SYN3: variants seen among roughly 807,000 people sequenced by gnomAD.
The protein encoded by SYN3 is synapsin III, also known as synapsin-3.
Under a neutral mutation model 65.8 loss-of-function variants are expected in SYN3, and 35 were observed. That is an observed-to-expected ratio of 0.53 (90% CI 0.41 to 0.70). The LOEUF is 0.70. Among genes scored for constraint, SYN3 ranks in the 30% least tolerant of loss-of-function variants. The pLI is 0.00. For synonymous variants in SYN3, 270 were observed against 292.9 expected (o/e 0.92, Z 0.80); for missense variants, 680 against 749.0 (o/e 0.91, Z 1.08).
intron 6 of SYN3, among the ~76,000 whole-genome samples, chr22:32,780,811 A>C (rs911126610): frequency 6.6e-6 from 1 of 152,170 alleles, no homozygotes; most frequent in Admixed American, 6.5e-5. Context: ...TATAAGGATT[A>C]AATGATTTCA....
rs568827440 is a variant in SYN3 at position 32,740,079 on chromosome 22, G to T, written c.711+124836C>A. ...ATAAGGAAATGCTGGCAGCATTAGGGATGTTAACCTGGTGAAGAGAAGATT... is the reference window on the plus strand; with the variant it reads ...ATAAGGAAATGCTGGCAGCATTAGGTATGTTAACCTGGTGAAGAGAAGATT... On this transcript the variant is annotated intron_variant, in intron 6 of 13. Transcript: ENST00000358763. Among the ~76,000 whole-genome samples, 4 of 152,366 alleles carry T rather than the reference G, an allele frequency of 2.6e-5. No homozygotes were observed. The East Asian group carries it at 5.8e-4, about 22-fold the overall frequency.
At chr22:32,725,827 G>A (rs544289783) in intron 6 of SYN3, among the ~76,000 whole-genome samples, 15 of 152,334 alleles carry the variant, frequency 9.8e-5, no homozygotes, top group Middle Eastern at 3.4e-3. Context: ...TGTTATAGCA[G>A]CCTCAGGAAG....
At chr22:32,898,921 T>C (rs2049677426) in intron 4 of SYN3, among the ~76,000 whole-genome samples, 1 of 152,094 alleles carries the variant, frequency 6.6e-6, no homozygotes, top group South Asian at 2.1e-4. Flanking sequence ...GCCAACATGG[T>C]GAAACCCCAT....
intron 6 of SYN3, among the ~76,000 whole-genome samples, chr22:32,657,491 A>G (rs1179835885): frequency 6.6e-6 from 1 of 152,192 alleles, no homozygotes; most frequent in African/African-American, 2.4e-5. Context: ...TGAGAGAGAC[A>G]CAGAAGTTAG....
chr22:32,719,630 G>C (rs2061087712), intron 6 of SYN3, among the ~76,000 whole-genome samples: 1 of 152,108 alleles, frequency 6.6e-6, no homozygotes, highest in African/African-American at 2.4e-5. Flanking sequence ...ATCACTTGAG[G>C]CCAAGAGTTC....
At chr22:32,795,047 A>G (rs1172002658) in intron 6 of SYN3, among the ~76,000 whole-genome samples, 9 of 152,168 alleles carry the variant, frequency 5.9e-5, no homozygotes, top group African/African-American at 1.7e-4. Flanking sequence ...ATTGTATTCT[A>G]TGTGAAGAGG....
chr22:33,024,480 G>C (rs1321024127), intron 1 of SYN3, among the ~76,000 whole-genome samples: 1 of 89,128 alleles, frequency 1.1e-5, no homozygotes, highest in Admixed American at 9.9e-5. Flanking sequence ...TCCAAAATGG[G>C]ACACTTGTCC....
intron 6 of SYN3, among the ~76,000 whole-genome samples, chr22:32,715,592 A>G (rs1162686697): frequency 6.6e-6 from 1 of 152,116 alleles, no homozygotes; most frequent in Non-Finnish European, 1.5e-5. Context: ...TAGCCTGGCC[A>G]AGATGGTGAA....
intron 9 of SYN3, among the ~76,000 whole-genome samples, chr22:32,537,034 T>C (rs1052741721): frequency 6.6e-6 from 1 of 152,156 alleles, no homozygotes; most frequent in African/African-American, 2.4e-5. Context: ...ACAGAGCTTT[T>C]TGAGTTCACA....
At chr22:32,998,556 A>G (rs2052954679) in intron 2 of SYN3, among the ~76,000 whole-genome samples, 1 of 152,112 alleles carries the variant, frequency 6.6e-6, no homozygotes, top group Non-Finnish European at 1.5e-5. Flanking sequence ...TCCAGAGGCC[A>G]CCCAGGGAGG....
At chr22:32,952,321 C>T (rs1025556062) in intron 3 of SYN3, among the ~76,000 whole-genome samples, 3 of 149,268 alleles carry the variant, frequency 2.0e-5, no homozygotes, top group Non-Finnish European at 3.0e-5. Flanking sequence ...TGTGGACAGG[C>T]AGGGTGGGGA....
At chr22:32,619,230 T>A (rs2059562356) in intron 6 of SYN3, among the ~76,000 whole-genome samples, 1 of 152,228 alleles carries the variant, frequency 6.6e-6, no homozygotes, top group African/African-American at 2.4e-5. Flanking sequence ...CCTAACCATA[T>A]GATCGTGGCT....
At chr22:32,875,081 C>T (rs919473657) in intron 4 of SYN3, among the ~76,000 whole-genome samples, 3 of 152,208 alleles carry the variant, frequency 2.0e-5, no homozygotes, top group African/African-American at 4.8e-5. Flanking sequence ...ATTAGTGATG[C>T]TTCCCGCCAG....
chr22:32,543,696 G>A (rs138693872), intron 7 of SYN3, among the ~76,000 whole-genome samples: 35 of 152,202 alleles, frequency 2.3e-4, no homozygotes, highest in African/African-American at 4.6e-4. Flanking sequence ...CCAGTCTGTC[G>A]TGCGGGTAGA....
chr22:32,952,266 C>T (rs9609665), intron 3 of SYN3, among the ~76,000 whole-genome samples: 18 of 149,774 alleles, frequency 1.2e-4, no homozygotes, highest in Admixed American at 2.7e-4. Flanking sequence ...TGTGTGTGTG[C>T]GCACACGCAT....
Position 32,510,563 on chromosome 22 carries a change from AC to A in SYN3, c.*3128del, listed in dbSNP as rs2057679346. Among the ~76,000 whole-genome samples, 1 of 152,104 alleles carries A rather than the reference AC, an allele frequency of 6.6e-6. No homozygotes were observed. Among genetic ancestry groups the A allele is most frequent in the Non-Finnish European group, 1.5e-5 (1 of 68,014 alleles). Reference sequence around the variant, plus strand: ...CACCCTGCCCTACAAGTTTTCTCTTACCCGTTTATTCAGGATGTCACACAGC... The same window carrying A: ...CACCCTGCCCTACAAGTTTTCTCTTACCGTTTATTCAGGATGTCACACAGC... On this transcript the variant is annotated 3_prime_UTR_variant, in exon 14 of 14. Coordinates refer to ENST00000358763, the MANE Select transcript of SYN3 (RefSeq NM_003490.4).
At chr22:33,022,875 T>C (rs925181704) in intron 1 of SYN3, among the ~76,000 whole-genome samples, 1 of 152,184 alleles carries the variant, frequency 6.6e-6, no homozygotes, top group African/African-American at 2.4e-5. Context: ...TTTAACTTCC[T>C]AAGATTATAA....
chr22:32,938,860 G>A (rs867370393), intron 3 of SYN3, among the ~76,000 whole-genome samples: 8 of 151,280 alleles, frequency 5.3e-5, no homozygotes, highest in African/African-American at 7.3e-5. Context: ...CATGGGATGC[G>A]GAGGTTGCAA....
At chr22:32,923,262 CAA>C (rs1376976747) in intron 4 of SYN3, among the ~76,000 whole-genome samples, 1 of 152,190 alleles carries the variant, frequency 6.6e-6, no homozygotes, top group Non-Finnish European at 1.5e-5. Context: ...TGTCCCAGGT[CAA>C]GAGAGAGAGA....
Sources: allele counts gnomAD v4.1 joint callset (sites outside exome capture counted in the v4.1 genomes callset), GRCh38; gene constraint gnomAD v4.1.1; transcripts MANE v1.5; gene names NCBI Gene and HGNC (gene_info 2026-07-23, HGNC 2026-07-21).